The following TCF25 variants were observed in gnomAD, a reference collection of about 807,000 sequenced individuals.
TCF25 encodes the protein TCF25 ribosome quality control complex subunit.
A neutral mutation model predicts 83.1 loss-of-function variants in TCF25; 41 were observed. The ratio of observed to expected loss-of-function variants is 0.49; its 90% CI spans 0.38 to 0.64. The LOEUF (loss-of-function observed/expected upper bound fraction) is 0.64, where lower values mean the gene tolerates loss of function less well. TCF25 is among the 30% of genes least tolerant of loss of function. The probability of loss-of-function intolerance (pLI) is 0.00; values close to 1 mark genes in which losing one functional copy is unlikely to be tolerated. For missense variants in TCF25, 979 were observed against 914.5 expected (o/e 1.07, Z -0.91); for synonymous variants, 458 against 365.0 (o/e 1.25, Z -2.90).
intron 12 of TCF25, chr16:89,901,077 G>A (rs188452311): frequency 5.6e-5 from 18 of 322,450 alleles, no homozygotes; most frequent in Admixed American, 4.7e-4. Flanking sequence ...GAGGTGCGGG[G>A]CATTGGATTG....
chr16:89,884,961 GC>G (rs35416329), intron 3 of TCF25, among the ~76,000 whole-genome samples: 1 of 77,426 alleles, frequency 1.3e-5, no homozygotes, highest in Admixed American at 1.3e-4. Flanking sequence ...TCTGCCTGAC[GC>G]CCCTCTCCCT....
chr16:89,907,389 G>A lies in TCF25; in HGVS notation c.1799+67G>A, dbSNP rs28716697. 1,516 of 290,806 alleles carry A rather than the reference G, an allele frequency of 5.2e-3. 70 individuals carry two copies. Among genetic ancestry groups the A allele is most frequent in the Non-Finnish European group, 5.6e-3 (1,185 of 211,514 alleles). 18.0% of individuals were successfully genotyped at this position (290,806 alleles called of 1,614,324 possible). A position where few individuals can be genotyped will look rare whatever the true frequency, so the allele number is the denominator to read the frequency against. ...CCCTCCTCCCAGTTCCCAGCTCCCA[G>A]CTCCCACCTCCCAGCTCCAACCTTC... On this transcript the variant is annotated intron_variant, in intron 16 of 17. Coordinates refer to ENST00000263346, the MANE Select transcript of TCF25 (RefSeq NM_014972.3).
intron 8 of TCF25, 57 bp from the exon 9 acceptor site, chr16:89,895,933 G>A: frequency 1.4e-6 from 2 of 1,478,122 alleles, no homozygotes; most frequent in Non-Finnish European, 1.9e-6. Flanking sequence ...TCAGAGGAGG[G>A]GCCGTGGTTG....
chr16:89,896,523 G>A (rs2043861140), intron 9 of TCF25, among the ~76,000 whole-genome samples: 2 of 151,592 alleles, frequency 1.3e-5, no homozygotes, highest in Admixed American at 6.6e-5. Flanking sequence ...TCTGAGCACC[G>A]TGGCAACATG....
intron 5 of TCF25, chr16:89,889,306 T>C (rs1413042797): frequency 3.0e-6 from 1 of 337,624 alleles, no homozygotes; most frequent in African/African-American, 2.3e-5. Context: ...GTCTCCCAAA[T>C]AGCTGGGACT....
chr16:89,898,652 G>C lies in TCF25; in HGVS notation c.1115+3G>C. ...GAGTACTGCAAGCTCATCCTGAGGT[G>C]AGTGTCTGCTCAGGGCCAAGCCCGT... On this transcript the variant is annotated splice_donor_region_variant and intron_variant, in intron 10 of 17. Coordinates refer to ENST00000263346, the MANE Select transcript of TCF25 (RefSeq NM_014972.3). 6.2e-7 allele frequency: 1 copy of C among 1,612,722 alleles called. No homozygotes were observed. The highest frequency in any genetic ancestry group is 8.5e-7 in the Non-Finnish European group (1 of 1,180,002).
At position 89,907,312 on chromosome 16, in the gene TCF25, A is replaced by C. The variant is rs2044876052; in HGVS notation, c.1789A>C (p.Arg597=). The part of the protein sequence containing the change: ...PPSDTIYSYV[R]PERLSPISHG... ...TTCGGACACAATCTACTCCTACGTC[A>C]GGCCAGAGAGGTACCTCCCTCCTTC... The change falls in exon 16 of 18, where the codon AGG becomes CGG. Residue 597 remains arginine (R), a synonymous_variant. Transcript: ENST00000263346. The C allele has an allele frequency of 1.3e-6, 2 of 1,580,390 alleles. No homozygotes were observed. The highest frequency in any genetic ancestry group is 1.4e-5 in the African/African-American group (1 of 70,748).
rs7201054 is a variant in TCF25 at position 89,877,768 on chromosome 16, C to T, written c.192+3909C>T. 2.8e-3 allele frequency among the ~76,000 whole-genome samples: 432 copies of T among 152,168 alleles called. 3 individuals carry two copies. Among genetic ancestry groups the T allele is most frequent in the African/African-American group, 0.01 (417 of 41,516 alleles). On this transcript the variant is annotated intron_variant, in intron 1 of 17. Transcript: ENST00000263346. ...CTGATGGAGGGAAAAAGGGAAGGTC[C>T]AGGTACGTTACCATTTTCAGGGATG...
At chr16:89,906,398 A>G in intron 15 of TCF25, 114 bp downstream of exon 15, 1 of 1,024,876 alleles carries the variant, frequency 9.8e-7, no homozygotes, top group East Asian at 2.6e-5. Context: ...TCAGCAGCCC[A>G]GCCCCGCCAC....
chr16:89,894,028 G>A lies in TCF25; in HGVS notation c.828+170G>A. 4.1e-6 allele frequency: 4 copies of A among 968,932 alleles called. No individual in the cohort carries two copies. The South Asian group carries it at 5.1e-5, about 12-fold the overall frequency. The allele number at this position is 968,932 out of a possible 1,614,324, so 60.0% of individuals were successfully genotyped here. ...TGGCCCTGTGACCAGAAGGAGATGTGTTCGGAGGCTCTAGGCCAAGCGAGC... is the reference window on the plus strand; with the variant it reads ...TGGCCCTGTGACCAGAAGGAGATGTATTCGGAGGCTCTAGGCCAAGCGAGC... On this transcript the variant is annotated intron_variant, in intron 7 of 17. Coordinates refer to ENST00000263346, the MANE Select transcript of TCF25 (RefSeq NM_014972.3).
chr16:89,892,286 G>A lies in TCF25; in HGVS notation c.697+11G>A, dbSNP rs2043489822. On this transcript the variant is annotated intron_variant, in intron 6 of 17. Coordinates refer to ENST00000263346, the MANE Select transcript of TCF25 (RefSeq NM_014972.3). Reference sequence around the variant, plus strand: ...GCTACAGCAAACCAGGTGAGGGTCTGCAGATGCTGCTGGGGATGGAGGGTT... The same window carrying A: ...GCTACAGCAAACCAGGTGAGGGTCTACAGATGCTGCTGGGGATGGAGGGTT... 6.2e-7 allele frequency: 1 copy of A among 1,607,516 alleles called. No individual in the cohort carries two copies.
Position 89,907,118 on chromosome 16 carries a change from C to G in TCF25, c.1720-125C>G. The stretch of plus-strand genomic sequence containing the variant: ...AAAAAGCACAGCCGTTTCTGTCAGA[C>G]TCTGTGGCTATCTCTCAGCAGATGC... On this transcript the variant is annotated intron_variant, in intron 15 of 17. Coordinates refer to ENST00000263346, the MANE Select transcript of TCF25 (RefSeq NM_014972.3). The G allele has an allele frequency of 7.3e-6, 7 of 963,886 alleles. No homozygotes were observed. The South Asian group carries it at 1.0e-4, about 14-fold the overall frequency. 59.7% of individuals were successfully genotyped at this position (963,886 alleles called of 1,614,324 possible).
At chr16:89,897,819 C>G (rs2043981141) in intron 9 of TCF25, among the ~76,000 whole-genome samples, 1 of 151,950 alleles carries the variant, frequency 6.6e-6, no homozygotes, top group South Asian at 2.1e-4. Context: ...AACAAAAAAA[C>G]AAGATAAAGA....
intron 2 of TCF25, chr16:89,883,797 C>A: frequency 3.1e-6 from 1 of 325,114 alleles, no homozygotes; most frequent in Non-Finnish European, 5.5e-6. Context: ...ACGTGTGTCC[C>A]TCCTAGCCGA....
intron 1 of TCF25, chr16:89,878,533 C>T (rs549839252): frequency 3.8e-5 from 47 of 1,232,722 alleles, no homozygotes; most frequent in East Asian, 2.4e-4. Context: ...AAATGCTGAT[C>T]GAGCTTTATC....
chr16:89,885,770 G>C, intron 3 of TCF25, 78 bp from the exon 4 acceptor site: 1 of 1,242,758 alleles, frequency 8.0e-7, no homozygotes, highest in Non-Finnish European at 1.2e-6. Flanking sequence ...TCTCTTTTAA[G>C]ATAAATAATT....
At chr16:89,908,260 C>G (rs1159913124) in intron 16 of TCF25, among the ~76,000 whole-genome samples, 3 of 120,694 alleles carry the variant, frequency 2.5e-5, no homozygotes, top group Non-Finnish European at 5.3e-5. Context: ...TCCCACCTCC[C>G]AGCTCCCTCT....
chr16:89,902,758 CCTT>C (rs1029134610), intron 12 of TCF25, among the ~76,000 whole-genome samples: 49 of 151,032 alleles, frequency 3.2e-4, no homozygotes, highest in Admixed American at 3.0e-3. Flanking sequence ...TGAAATCCCT[CCTT>C]AAGACGGGCC....
In TCF25 at chr16:89,879,191, C is replaced by T. The variant is rs545463340; in HGVS notation, c.193-4160C>T. Among the ~76,000 whole-genome samples the T allele has an allele frequency of 1.7e-4, 25 of 150,394 alleles. No homozygotes were observed. In the South Asian group the frequency reaches 2.5e-3, roughly 15 times the overall value. ...CAGACGGGCTCCTGGGCCTATCACC[C>T]GTGCTGTCCGTGTACACAGATGGGC... On this transcript the variant is annotated intron_variant, in intron 1 of 17. Coordinates refer to ENST00000263346, the MANE Select transcript of TCF25 (RefSeq NM_014972.3).
Sources: gnomAD v4.1 joint callset for allele counts (sites outside exome capture counted in the v4.1 genomes callset) on GRCh38, gnomAD v4.1.1 for gene constraint, MANE v1.5 for transcripts, NCBI Gene and HGNC (gene_info 2026-07-23, HGNC 2026-07-21) for gene names.